The following CSRP1 variants were observed in gnomAD, a reference collection of about 807,000 sequenced individuals.
CSRP1 encodes cysteine and glycine-rich protein 1.
Under a neutral mutation model 25.4 loss-of-function variants are expected in CSRP1, and 16 were observed. That is an observed-to-expected ratio of 0.63 (90% confidence interval 0.43 to 0.96). CSRP1 has a LOEUF of 0.96. Ranked by LOEUF, CSRP1 falls within the 40% of genes least tolerant of loss-of-function variation. The pLI is 0.00. For missense variants in CSRP1, 212 were observed against 243.6 expected, an observed-to-expected ratio of 0.87 and a Z score of 0.86; for synonymous variants, 97 against 95.3, an observed-to-expected ratio of 1.02 and a Z score of -0.10.
intron 3 of CSRP1, chr1:201,489,869 CA>C (rs778389830): frequency 3.4e-4 from 79 of 234,486 alleles, no homozygotes; most frequent in East Asian, 4.4e-4. Context: ...GACTCCCTTT[CA>C]AAAAAAAACA....
chr1:201,498,498 G>T (rs1664576387), intron 1 of CSRP1, among the ~76,000 whole-genome samples: 1 of 152,212 alleles, frequency 6.6e-6, no homozygotes, highest in Non-Finnish European at 1.5e-5. Context: ...TTGAAAACCG[G>T]GATGTGGCAA....
chr1:201,485,351 C>T lies in CSRP1; in HGVS notation c.437G>A (p.Cys146Tyr). 2 of 1,614,168 alleles carry T rather than the reference C, an allele frequency of 1.2e-6. No homozygotes were observed. The change falls in exon 5 of 6, where the codon TGT becomes TAT. Residue 146 changes from cysteine to tyrosine, a missense_variant. Transcript: ENST00000340006. ...GKSWHKACFR[C>Y]AKCGKGLEST... ...CTCAAGGCCTTTGCCACACTTGGCA[C>T]ATCGAAAGCAGGCCTTATGCCAGGA... is the stretch of plus-strand genomic sequence containing the variant.
At chr1:201,489,932 C>T (rs1040219454) in intron 3 of CSRP1, 69 of 424,490 alleles carry the variant, frequency 1.6e-4, no homozygotes, top group African/African-American at 1.2e-3. Flanking sequence ...CCAGCTCTGA[C>T]TCTCATACAA....
chr1:201,487,130 T>A (rs1664173264), intron 4 of CSRP1: 1 of 573,212 alleles, frequency 1.7e-6, no homozygotes, highest in South Asian at 1.9e-5. Flanking sequence ...ACTGCCTTGT[T>A]GTTGGGTGTG....
At chr1:201,491,119 C>T (rs1391964863) in intron 2 of CSRP1, 2 of 152,148 alleles carry the variant, frequency 1.3e-5, no homozygotes, top group Non-Finnish European at 2.9e-5. Flanking sequence ...CAGAGGGGAG[C>T]TATGCCCAGC....
At chr1:201,489,816 G>A in intron 3 of CSRP1, 1 of 176,920 alleles carries the variant, frequency 5.7e-6, no homozygotes, top group East Asian at 1.5e-4. Flanking sequence ...GCTGCAGTGA[G>A]CCAAGATTGT....
chr1:201,496,597 T>C lies in CSRP1; in HGVS notation c.-1-293A>G, dbSNP rs1664523154. On this transcript the variant is annotated intron_variant, in intron 1 of 5. Coordinates refer to ENST00000340006, the MANE Select transcript of CSRP1 (RefSeq NM_004078.3). ...ATGTGGATCAGCAGAAGAAGCAGGCTTTATAAAGAAGGCTCCAGCTGCAAT... is the reference window on the plus strand; with the variant it reads ...ATGTGGATCAGCAGAAGAAGCAGGCCTTATAAAGAAGGCTCCAGCTGCAAT... The C allele has an allele frequency of 1.4e-5, 6 of 429,976 alleles. No individual in the cohort carries two copies. In the South Asian group the frequency reaches 1.6e-4, roughly 12 times the overall value. 26.6% of individuals were successfully genotyped at this position (429,976 alleles called of 1,614,324 possible).
At position 201,484,292 on chromosome 1, in the gene CSRP1, T is replaced by C; in HGVS notation, c.*421A>G. Reference sequence around the variant, plus strand: ...CTCTGAGATCCAAAAAACCCAGCCTTCCCCCCTCCTCATCTTGGTCTTGCT... The same window carrying C: ...CTCTGAGATCCAAAAAACCCAGCCTCCCCCCCTCCTCATCTTGGTCTTGCT... On this transcript the variant is annotated 3_prime_UTR_variant, in exon 6 of 6. Transcript: ENST00000340006. 2.0e-6 allele frequency: 1 copy of C among 505,560 alleles called. No homozygotes were observed. Among genetic ancestry groups the C allele is most frequent in the South Asian group, 3.6e-5 (1 of 27,430 alleles). The allele number at this position is 505,560 out of a possible 1,614,324, so 31.3% of individuals were successfully genotyped here.
At chr1:201,486,655 T>C in intron 4 of CSRP1, 1 of 1,041,854 alleles carries the variant, frequency 9.6e-7, no homozygotes, top group Non-Finnish European at 1.2e-6. Context: ...GACCAACACC[T>C]CTCCTCATAT....
intron 4 of CSRP1, chr1:201,487,191 C>T (rs535368398): frequency 3.2e-4 from 102 of 322,326 alleles, no homozygotes; most frequent in South Asian, 2.0e-3. Context: ...GTGGGTGGAT[C>T]GTGAGGTCCA....
At chr1:201,502,742 G>C (rs1041052923) in intron 1 of CSRP1, among the ~76,000 whole-genome samples, 3 of 152,128 alleles carry the variant, frequency 2.0e-5, no homozygotes, top group African/African-American at 7.2e-5. Flanking sequence ...TCCATGTCCA[G>C]TGGCCCTTGT....
In CSRP1 at chr1:201,490,233, T is replaced by G. The variant is rs1664293034; in HGVS notation, c.224A>C (p.Gln75Pro). 6.2e-7 allele frequency: 1 copy of G among 1,614,208 alleles called. No individual in the cohort carries two copies. The highest frequency in any genetic ancestry group is 8.5e-7 in the Non-Finnish European group (1 of 1,180,036). Residue 75 changes from glutamine (Q) to proline (P), a missense_variant, in exon 3 of 6, where the codon CAG becomes CCG. Physicochemically the swap from Gln to Pro is moderately conservative, Grantham distance 76. Coordinates refer to ENST00000340006, the MANE Select transcript of CSRP1 (RefSeq NM_004078.3). ...KYGPKGYGYGQGAGTLSTDKG... is the reference protein window; with the variant it reads ...KYGPKGYGYGPGAGTLSTDKG... Reference sequence around the variant, plus strand: ...GTCAGTGCTGAGGGTGCCTGCGCCCTGCCCGTAGCCATAGCCTTTGGGCCC... The same window carrying G: ...GTCAGTGCTGAGGGTGCCTGCGCCCGGCCCGTAGCCATAGCCTTTGGGCCC...
intron 4 of CSRP1, chr1:201,486,884 C>G (rs943169074): frequency 8.1e-7 from 1 of 1,234,392 alleles, no homozygotes; most frequent in African/African-American, 1.6e-5. Context: ...TGATTCTTAG[C>G]TATTCTTAAT....
chr1:201,503,879 A>C (rs1188005418), intron 1 of CSRP1, among the ~76,000 whole-genome samples: 2 of 152,108 alleles, frequency 1.3e-5, no homozygotes, highest in Non-Finnish European at 2.9e-5. Flanking sequence ...AAACTCAAAC[A>C]TGCAGAGCTG....
intron 1 of CSRP1, among the ~76,000 whole-genome samples, chr1:201,502,954 G>A (rs1301401027): frequency 2.0e-5 from 3 of 147,352 alleles, no homozygotes; most frequent in Non-Finnish European, 4.5e-5. Context: ...GGCCAACAGC[G>A]TGAAACCCCA....
At position 201,483,627 on chromosome 1, in the gene CSRP1, C is replaced by A; in HGVS notation, c.*1086G>T. The A allele has an allele frequency of 4.8e-6, 1 of 209,336 alleles. No homozygotes were observed. Among genetic ancestry groups the A allele is most frequent in the Non-Finnish European group, 1.0e-5 (1 of 100,076 alleles). The allele number at this position is 209,336 out of a possible 1,614,324, so 13.0% of individuals were successfully genotyped here. A position where few individuals can be genotyped will look rare whatever the true frequency, so the allele number is the denominator to read the frequency against. ...GTGGGTGGCTCCAGATAGTGTTGTC[C>A]TTTCAGTTGCTGGGAGCGGTGAGGC... On this transcript the variant is annotated 3_prime_UTR_variant, in exon 6 of 6. Transcript: ENST00000340006.
At chr1:201,485,164 G>A in intron 5 of CSRP1, 119 bp downstream of exon 5, 1 of 866,912 alleles carries the variant, frequency 1.2e-6, no homozygotes, top group Non-Finnish European at 1.9e-6. Context: ...AATCATACTA[G>A]ATGTTCAGAT....
rs202028906 is a variant in CSRP1 at position 201,485,241 on chromosome 1, C to G, written c.505+42G>C. 1,291 of 1,580,126 alleles carry G rather than the reference C, an allele frequency of 8.2e-4. 2 individuals are homozygous for G. The highest frequency in any genetic ancestry group is 1.1e-3 in the Non-Finnish European group (1,220 of 1,149,144). On this transcript the variant is annotated intron_variant, in intron 5 of 5. Coordinates refer to ENST00000340006, the MANE Select transcript of CSRP1 (RefSeq NM_004078.3). ...GCAAAACTACTTAGCCCCCCTACCC[C>G]CTTGGGCCTCCTGACCCTCAATTAG...
intron 2 of CSRP1, among the ~76,000 whole-genome samples, chr1:201,495,237 A>AT (rs957484153): frequency 6.6e-6 from 1 of 152,048 alleles, no homozygotes; most frequent in Non-Finnish European, 1.5e-5. Flanking sequence ...CTCTCTAAAA[A>AT]TTTTTTTTAA....
Sources: allele counts gnomAD v4.1 joint callset (sites outside exome capture counted in the v4.1 genomes callset), GRCh38; gene constraint gnomAD v4.1.1; transcripts MANE v1.5; gene names NCBI Gene and HGNC (gene_info 2026-07-23, HGNC 2026-07-21).